VRK2: variants seen among roughly 807,000 people sequenced by gnomAD.
The protein encoded by VRK2 is VRK serine/threonine kinase 2, also known as serine/threonine-protein kinase VRK2.
A neutral mutation model predicts 57.6 loss-of-function variants in VRK2; 60 were observed. That is an observed-to-expected ratio of 1.04 (90% CI 0.85 to 1.29). The LOEUF (loss-of-function observed/expected upper bound fraction) is 1.29, where lower values mean the gene tolerates loss of function less well. Among genes scored for constraint, VRK2 ranks in the 50% most tolerant of loss-of-function variants. The pLI, the probability that VRK2 is intolerant of heterozygous loss-of-function variation, is 0.00. For synonymous variants in VRK2, 231 were observed against 199.2 expected (o/e 1.16, Z -1.35); for missense variants, 705 against 588.1 (o/e 1.20, Z -2.06).
chr2:58,043,658 T>C (rs1674554832), upstream of VRK2, among the ~76,000 whole-genome samples: 1 of 152,348 alleles, frequency 6.6e-6, no homozygotes, highest in Non-Finnish European at 1.5e-5. Flanking sequence ...TGGAAATTTA[T>C]TTCCAGTTTT....
Position 58,030,583 on chromosome 2 carries a change from C to T in VRK2, c.-332-2644C>T, listed in dbSNP as rs544072269. ...TGTATTTGAAATGCCTGTTAGACCC[C>T]AGTAGAAATATCAAGCAGGAAAGCA... is the stretch of plus-strand genomic sequence containing the variant. On this transcript the variant is annotated intron_variant, in intron 2 of 15. Transcript: ENST00000417641. 1.2e-3 allele frequency among the ~76,000 whole-genome samples: 181 copies of T among 152,108 alleles called. 1 individual carries two copies. Among genetic ancestry groups the T allele is most frequent in the Non-Finnish European group, 2.2e-3 (148 of 67,982 alleles).
chr2:58,069,193 T>G (rs150975283), intron 2 of VRK2, among the ~76,000 whole-genome samples: 1 of 152,220 alleles, frequency 6.6e-6, no homozygotes, highest in African/African-American at 2.4e-5. Flanking sequence ...CTGGTTGCAT[T>G]CAGGCTTCAA....
chr2:58,116,908 G>A (rs1310283204), intron 7 of VRK2, among the ~76,000 whole-genome samples: 2 of 152,158 alleles, frequency 1.3e-5, no homozygotes, highest in African/African-American at 2.4e-5. Context: ...CTGGAGGAAC[G>A]CCTGGCTGCT....
chr2:58,063,113 C>T (rs1312647687), intron 2 of VRK2, among the ~76,000 whole-genome samples: 1 of 151,820 alleles, frequency 6.6e-6, no homozygotes, highest in Non-Finnish European at 1.5e-5. Context: ...TGCTTGTACC[C>T]TGTAAATGGA....
intron 1 of VRK2, among the ~76,000 whole-genome samples, chr2:57,949,717 G>A (rs1299921715): frequency 2.0e-5 from 3 of 152,118 alleles, no homozygotes; most frequent in African/African-American, 4.8e-5. Context: ...TAAATCAAAA[G>A]CTAGAAATGA....
At chr2:57,994,760 AC>A (rs1206116212) in intron 1 of VRK2, among the ~76,000 whole-genome samples, 3 of 151,936 alleles carry the variant, frequency 2.0e-5, no homozygotes, top group South Asian at 4.1e-4. Context: ...TGAAAAAAAA[AC>A]ATTTTTTAGT....
chr2:58,137,344 C>T (rs753565094), intron 10 of VRK2, among the ~76,000 whole-genome samples: 1 of 150,212 alleles, frequency 6.7e-6, no homozygotes, highest in African/African-American at 2.4e-5. Flanking sequence ...GGTAAGAAAG[C>T]CCAGATGCCC....
At chr2:57,939,646 TGAGA>T (rs746844338) in intron 1 of VRK2, among the ~76,000 whole-genome samples, 33 of 152,194 alleles carry the variant, frequency 2.2e-4, no homozygotes, top group Non-Finnish European at 2.2e-4. Flanking sequence ...TTACTTTGAT[TGAGA>T]AAGTATAGAA....
chr2:58,111,538 G>C (rs1050391616), intron 7 of VRK2, among the ~76,000 whole-genome samples: 2 of 152,152 alleles, frequency 1.3e-5, no homozygotes, highest in East Asian at 3.9e-4. Context: ...GATTGCTTGA[G>C]CCCAGGAGTT....
intron 1 of VRK2, among the ~76,000 whole-genome samples, chr2:57,980,772 A>G (rs1254495575): frequency 6.6e-6 from 1 of 152,178 alleles, no homozygotes; most frequent in African/African-American, 2.4e-5. Context: ...TGAACCCTTT[A>G]TCAATACATA....
chr2:58,124,668 G>T (rs1302479655), intron 8 of VRK2, among the ~76,000 whole-genome samples: 1 of 152,182 alleles, frequency 6.6e-6, no homozygotes, highest in Non-Finnish European at 1.5e-5. Flanking sequence ...ACCATGTAAT[G>T]TAGAGGGTCT....
rs1684714907 is a variant in VRK2, at chr2:58,159,450, ATT to A, written c.1287_1288del (p.Phe429LeufsTer2). ...KISYTQFPNS[F>X]YEPHQDFTSP... ...TCAGCTATACACAATTCCCAAACTC[ATT>A]TTATGAGCCTCATCAAGATTTTACC... On this transcript the variant is annotated frameshift_variant, in exon 13 of 13. Transcript: ENST00000340157. LOFTEE classifies it low-confidence loss of function (END_TRUNC). 2 of 1,613,648 alleles carry A rather than the reference ATT, an allele frequency of 1.2e-6. No individual in the cohort carries two copies. Among genetic ancestry groups the A allele is most frequent in the Non-Finnish European group, 1.7e-6 (2 of 1,179,692 alleles).
intron 2 of VRK2, among the ~76,000 whole-genome samples, chr2:58,064,705 G>C (rs545725572): frequency 6.6e-6 from 1 of 152,034 alleles, no homozygotes; most frequent in East Asian, 1.9e-4. Context: ...AAAAGAGTTT[G>C]AAGATAACTG....
At chr2:58,118,607 C>T (rs189720245) in intron 7 of VRK2, among the ~76,000 whole-genome samples, 44 of 152,254 alleles carry the variant, frequency 2.9e-4, no homozygotes, top group African/African-American at 1.0e-3. Flanking sequence ...GACCTGAGGT[C>T]GTAGGTGGAT....
intron 1 of VRK2, among the ~76,000 whole-genome samples, chr2:58,017,025 A>G (rs755523972): frequency 3.3e-5 from 5 of 152,150 alleles, no homozygotes; most frequent in African/African-American, 4.8e-5. Context: ...AGGGGAAAAA[A>G]AAGTTTACTT....
At chr2:58,126,610 A>G (rs191043488) in intron 8 of VRK2, among the ~76,000 whole-genome samples, 9 of 152,208 alleles carry the variant, frequency 5.9e-5, no homozygotes, top group African/African-American at 1.2e-4. Context: ...GCATATCTGT[A>G]TGTTTTTTTA....
At chr2:58,013,858 CAAAAAAAAAAAA>C (rs60604486) in intron 1 of VRK2, among the ~76,000 whole-genome samples, 1 of 62,790 alleles carries the variant, frequency 1.6e-5, no homozygotes, top group Non-Finnish European at 3.3e-5. Flanking sequence ...GACTCCGTCT[CAAAAAAAAAAAA>C]AAAAAAAAAA....
intron 7 of VRK2, among the ~76,000 whole-genome samples, chr2:58,111,988 C>T (rs1675642544): frequency 6.6e-6 from 1 of 151,980 alleles, no homozygotes; most frequent in South Asian, 2.1e-4. Flanking sequence ...AAAAATTATT[C>T]TTAGCTTTAG....
At chr2:58,022,199 G>T (rs1211567409) in intron 1 of VRK2, among the ~76,000 whole-genome samples, 1 of 152,198 alleles carries the variant, frequency 6.6e-6, no homozygotes, top group Non-Finnish European at 1.5e-5. Context: ...TTTAGAATGG[G>T]TGTCACTGCA....
Sources: gnomAD v4.1 joint callset for allele counts (sites outside exome capture counted in the v4.1 genomes callset) on GRCh38, gnomAD v4.1.1 for gene constraint, MANE v1.5 for transcripts, NCBI Gene and HGNC (gene_info 2026-07-23, HGNC 2026-07-21) for gene names.